GPR158: variants seen among roughly 807,000 people sequenced by gnomAD.
The protein encoded by GPR158 is G protein-coupled receptor 158, also known as metabotropic glycine receptor.
In GPR158, 30 loss-of-function variants were observed where a neutral mutation model predicts 78.2. That is an observed-to-expected ratio of 0.38 (90% CI 0.29 to 0.52). The LOEUF (loss-of-function observed/expected upper bound fraction) is 0.52. Ranked by LOEUF, GPR158 falls within the 20% of genes least tolerant of loss-of-function variation. The probability of loss-of-function intolerance (pLI) is 0.83; values close to 1 mark genes in which losing one functional copy is unlikely to be tolerated. For synonymous variants in GPR158, 581 were observed against 591.1 expected, an observed-to-expected ratio of 0.98 and a Z score of 0.25; for missense variants, 1,463 against 1,523.5, an observed-to-expected ratio of 0.96 and a Z score of 0.66.
chr10:25,547,819 G>A (rs981593921), intron 5 of GPR158, among the ~76,000 whole-genome samples: 9 of 152,062 alleles, frequency 5.9e-5, no homozygotes, highest in Admixed American at 5.2e-4. Flanking sequence ...TCAAAGTCTC[G>A]TCTTTCTAAG....
intron 2 of GPR158, among the ~76,000 whole-genome samples, chr10:25,315,039 G>T (rs974316888): frequency 1.3e-5 from 2 of 150,586 alleles, no homozygotes; most frequent in African/African-American, 2.4e-5. Flanking sequence ...TGCTTTTATT[G>T]TGACCTAAAT....
At chr10:25,523,547 T>A (rs1427207618) in intron 5 of GPR158, among the ~76,000 whole-genome samples, 1 of 152,084 alleles carries the variant, frequency 6.6e-6, no homozygotes, top group Non-Finnish European at 1.5e-5. Flanking sequence ...CAGACATAGG[T>A]TTTGGTCAGT....
At chr10:25,229,273 A>G (rs1853417323) in intron 2 of GPR158, among the ~76,000 whole-genome samples, 1 of 151,874 alleles carries the variant, frequency 6.6e-6, no homozygotes, top group African/African-American at 2.4e-5. Flanking sequence ...ATATTTAGGG[A>G]CTCCCTTTTC....
At chr10:25,183,694 G>A (rs748599967) in intron 1 of GPR158, among the ~76,000 whole-genome samples, 17 of 152,080 alleles carry the variant, frequency 1.1e-4, no homozygotes, top group Non-Finnish European at 2.2e-4. Context: ...AAACCTGTCC[G>A]ATTGGCAAAG....
chr10:25,280,253 G>A (rs1307222769), intron 2 of GPR158, among the ~76,000 whole-genome samples: 3 of 152,052 alleles, frequency 2.0e-5, no homozygotes, highest in African/African-American at 7.2e-5. Flanking sequence ...TAAGGACATA[G>A]ACAGTTTGAA....
intron 2 of GPR158, among the ~76,000 whole-genome samples, chr10:25,337,498 C>A (rs1053298567): frequency 1.3e-5 from 2 of 151,890 alleles, no homozygotes; most frequent in Admixed American, 1.3e-4. Context: ...TATTTCATTT[C>A]TCTATAGTAT....
chr10:25,247,583 G>A lies in GPR158; in HGVS notation c.1008+26426G>A, dbSNP rs1238270104. Among the ~76,000 whole-genome samples, 824 of 126,022 alleles carry A rather than the reference G, an allele frequency of 6.5e-3. 11 individuals carry two copies. The highest frequency in any genetic ancestry group is 0.025 in the African/African-American group (788 of 31,934). The allele number at this position is 126,022 out of a possible 152,430, so 82.7% of individuals were successfully genotyped here. On this transcript the variant is annotated intron_variant, in intron 2 of 10. Transcript: ENST00000376351. ...ATGCGGTGTTTGGTTTTTTGTTCTT[G>A]CGATAGTTTACTGAGAATGATGATT...
At chr10:25,411,104 T>G (rs1588850088) in intron 3 of GPR158, among the ~76,000 whole-genome samples, 4 of 152,092 alleles carry the variant, frequency 2.6e-5, no homozygotes, top group African/African-American at 7.2e-5. Flanking sequence ...GTTTTGTTTT[T>G]TTTTTCCTTA....
At chr10:25,344,293 ATATT>A (rs1855341994) in intron 2 of GPR158, among the ~76,000 whole-genome samples, 1 of 152,034 alleles carries the variant, frequency 6.6e-6, no homozygotes, top group South Asian at 2.1e-4. Context: ...TATAAAATAT[ATATT>A]TATGGTGTAC....
intron 2 of GPR158, among the ~76,000 whole-genome samples, chr10:25,297,077 C>A (rs1854525669): frequency 6.6e-6 from 1 of 152,216 alleles, no homozygotes. Flanking sequence ...CTCTAGCCAT[C>A]ACTTGTGACC....
chr10:25,397,313 A>G (rs1056112109), intron 3 of GPR158, among the ~76,000 whole-genome samples: 1 of 152,208 alleles, frequency 6.6e-6, no homozygotes. Context: ...CTCTTGCCAC[A>G]TCACCTTATA....
intron 2 of GPR158, among the ~76,000 whole-genome samples, chr10:25,389,639 A>G (rs529729787): frequency 6.6e-6 from 1 of 152,332 alleles, no homozygotes; most frequent in African/African-American, 2.4e-5. Flanking sequence ...AAGCTGTAAC[A>G]CAAACAGGGC....
chr10:25,322,785 G>T (rs1465116370), intron 2 of GPR158, among the ~76,000 whole-genome samples: 2 of 152,136 alleles, frequency 1.3e-5, no homozygotes, highest in Admixed American at 6.5e-5. Flanking sequence ...CTCCATCAGG[G>T]GTCTTGGGTG....
chr10:25,294,210 GCTGA>G (rs1425279045), intron 2 of GPR158, among the ~76,000 whole-genome samples: 3 of 152,168 alleles, frequency 2.0e-5, no homozygotes, highest in African/African-American at 7.2e-5. Context: ...GAGAGGGACT[GCTGA>G]CTAAGAGTAA....
At chr10:25,456,268 C>A (rs1216296681) in intron 4 of GPR158, among the ~76,000 whole-genome samples, 2 of 152,104 alleles carry the variant, frequency 1.3e-5, no homozygotes, top group Admixed American at 6.6e-5. Flanking sequence ...TTGTCAGAAT[C>A]AAAAATTGTT....
intron 5 of GPR158, among the ~76,000 whole-genome samples, chr10:25,524,935 T>A (rs1836328144): frequency 6.6e-6 from 1 of 152,050 alleles, no homozygotes; most frequent in African/African-American, 2.4e-5. Context: ...AAAAAGACAA[T>A]TCACCCAACT....
intron 2 of GPR158, among the ~76,000 whole-genome samples, chr10:25,360,185 T>A (rs1393474514): frequency 6.6e-6 from 1 of 152,200 alleles, no homozygotes; most frequent in Non-Finnish European, 1.5e-5. Flanking sequence ...TGTAAAAATT[T>A]TCTCCCATTC....
At chr10:25,216,765 T>C (rs185940020) in intron 1 of GPR158, among the ~76,000 whole-genome samples, 74 of 152,290 alleles carry the variant, frequency 4.9e-4, no homozygotes, top group African/African-American at 1.7e-3. Flanking sequence ...GTAGGAGTTA[T>C]AATGTAAGGC....
intron 2 of GPR158, among the ~76,000 whole-genome samples, chr10:25,237,168 T>C (rs1342735173): frequency 6.6e-6 from 1 of 152,194 alleles, no homozygotes; most frequent in African/African-American, 2.4e-5. Context: ...TCATCACTAA[T>C]TTATCTTAAG....
Sources: allele counts gnomAD v4.1 joint callset (sites outside exome capture counted in the v4.1 genomes callset), GRCh38; gene constraint gnomAD v4.1.1; transcripts MANE v1.5; gene names NCBI Gene and HGNC (gene_info 2026-07-23, HGNC 2026-07-21).